The following DTNBP1 variants were observed in gnomAD, a reference collection of about 807,000 sequenced individuals.
The protein encoded by DTNBP1 is dysbindin.
Under a neutral mutation model 42.8 loss-of-function variants are expected in DTNBP1, and 35 were observed. The observed-to-expected ratio is 0.82, with a 90% confidence interval of 0.63 to 1.09. The LOEUF (loss-of-function observed/expected upper bound fraction) is 1.09. Among genes scored for constraint, DTNBP1 ranks in the 50% least tolerant of loss-of-function variants. DTNBP1 has a pLI of 0.00. For missense variants in DTNBP1, 457 were observed against 424.2 expected, an observed-to-expected ratio of 1.08 and a Z score of -0.68; for synonymous variants, 171 against 162.2, an observed-to-expected ratio of 1.05 and a Z score of -0.41.
intron 6 of DTNBP1, among the ~76,000 whole-genome samples, chr6:15,612,266 G>T (rs546921807): frequency 1.8e-4 from 27 of 152,036 alleles, no homozygotes; most frequent in Non-Finnish European, 1.2e-4. Flanking sequence ...TTTAATTAAG[G>T]TATGTACATT....
chr6:15,598,269 G>C (rs944096340), intron 6 of DTNBP1, among the ~76,000 whole-genome samples: 5 of 152,144 alleles, frequency 3.3e-5, no homozygotes, highest in Non-Finnish European at 7.4e-5. Context: ...TCAGACTGAA[G>C]ATGAAAACTT....
chr6:15,556,341 C>T (rs954122190), intron 7 of DTNBP1, among the ~76,000 whole-genome samples: 2 of 151,954 alleles, frequency 1.3e-5, no homozygotes, highest in African/African-American at 4.8e-5. Flanking sequence ...GCCACCAAGC[C>T]CAGCTAATTT....
intron 6 of DTNBP1, among the ~76,000 whole-genome samples, chr6:15,610,876 A>G (rs998607025): frequency 2.6e-5 from 4 of 152,250 alleles, no homozygotes; most frequent in Non-Finnish European, 5.9e-5. Flanking sequence ...TAAAGTAAGG[A>G]GTCATCTCCA....
chr6:15,608,907 C>T (rs1758229125), intron 6 of DTNBP1, among the ~76,000 whole-genome samples: 1 of 152,176 alleles, frequency 6.6e-6, no homozygotes, highest in African/African-American at 2.4e-5. Flanking sequence ...AGATCTTTCT[C>T]CACTCATTTT....
intron 4 of DTNBP1, among the ~76,000 whole-genome samples, chr6:15,634,771 T>G (rs866969233): frequency 7.2e-5 from 11 of 152,214 alleles, no homozygotes; most frequent in Admixed American, 1.3e-4. Flanking sequence ...CCATCTTACA[T>G]GCTTTGTTAT....
At chr6:15,607,494 G>T (rs949864660) in intron 6 of DTNBP1, among the ~76,000 whole-genome samples, 12 of 151,960 alleles carry the variant, frequency 7.9e-5, no homozygotes, top group Non-Finnish European at 1.5e-4. Context: ...TAGAGATGGG[G>T]TTTCACCATG....
At chr6:15,594,604 G>A (rs980441447) in intron 6 of DTNBP1, among the ~76,000 whole-genome samples, 7 of 151,978 alleles carry the variant, frequency 4.6e-5, no homozygotes, top group African/African-American at 9.7e-5. Context: ...TTTATACCCC[G>A]ATAATAAAAA....
intron 1 of DTNBP1, among the ~76,000 whole-genome samples, chr6:15,662,460 C>G (rs1761701909): frequency 6.6e-6 from 1 of 152,174 alleles, no homozygotes; most frequent in Non-Finnish European, 1.5e-5. Flanking sequence ...GCCGCGGGGG[C>G]GGAAGCGGTG....
chr6:15,654,004 T>C (rs1247047564), intron 1 of DTNBP1, among the ~76,000 whole-genome samples: 1 of 152,216 alleles, frequency 6.6e-6, no homozygotes, highest in Non-Finnish European at 1.5e-5. Flanking sequence ...TTAAGCACCA[T>C]ATGGGGACTT....
In DTNBP1 at chr6:15,663,018, G is replaced by C. The variant is rs1415951812; in HGVS notation, c.-149C>G. 9 of 1,143,636 alleles carry C rather than the reference G, an allele frequency of 7.9e-6. No homozygotes were observed. Among genetic ancestry groups the C allele is most frequent in the Admixed American group, 4.4e-5 (2 of 45,204 alleles). The allele number at this position is 1,143,636 out of a possible 1,614,324, so 70.8% of individuals were successfully genotyped here. A position where few individuals can be genotyped will look rare whatever the true frequency, so the allele number is the denominator to read the frequency against. On this transcript the variant is annotated 5_prime_UTR_variant, in exon 1 of 10. Transcript: ENST00000344537. The stretch of plus-strand genomic sequence containing the variant: ...CCCCCGGTCTGGTCCTCGCCGCCGC[G>C]CCGCAACCCCAGCCCCTTCCGCGTT...
intron 6 of DTNBP1, among the ~76,000 whole-genome samples, chr6:15,613,867 T>C (rs2113697711): frequency 6.6e-6 from 1 of 152,250 alleles, no homozygotes; most frequent in East Asian, 1.9e-4. Flanking sequence ...CCTGGCAGTC[T>C]CTCAAACTAT....
At chr6:15,553,135 G>A (rs1412060310) in intron 7 of DTNBP1, among the ~76,000 whole-genome samples, 1 of 152,118 alleles carries the variant, frequency 6.6e-6, no homozygotes, top group Non-Finnish European at 1.5e-5. Context: ...ACAAGTTGAT[G>A]AAATGATTTG....
At chr6:15,627,587 GATTA>G in intron 4 of DTNBP1, 112 bp from the exon 5 acceptor site, 2 of 1,443,134 alleles carry the variant, frequency 1.4e-6, no homozygotes, top group Non-Finnish European at 1.9e-6. Flanking sequence ...ACTCAGTAGA[GATTA>G]CGGTACATTC....
At chr6:15,643,006 G>A (rs1018209279) in intron 3 of DTNBP1, among the ~76,000 whole-genome samples, 2 of 152,050 alleles carry the variant, frequency 1.3e-5, no homozygotes, top group East Asian at 1.9e-4. Context: ...TAAAAAATAC[G>A]TATTGCAACT....
At chr6:15,534,460 T>C (rs1773088717) in intron 7 of DTNBP1, among the ~76,000 whole-genome samples, 1 of 152,128 alleles carries the variant, frequency 6.6e-6, no homozygotes. Flanking sequence ...GAGACCAGCC[T>C]GGCCAATATG....
intron 1 of DTNBP1, among the ~76,000 whole-genome samples, chr6:15,659,073 C>T (rs1219129359): frequency 6.6e-6 from 1 of 152,156 alleles, no homozygotes; most frequent in African/African-American, 2.4e-5. Context: ...CTCTACACTG[C>T]CCTTAAAGAA....
intron 1 of DTNBP1, among the ~76,000 whole-genome samples, chr6:15,660,090 A>G (rs1006922531): frequency 2.0e-5 from 3 of 152,232 alleles, no homozygotes; most frequent in Non-Finnish European, 2.9e-5. Flanking sequence ...TCTAAGCACA[A>G]AACAAATCTG....
At chr6:15,561,478 G>A (rs946231854) in intron 7 of DTNBP1, among the ~76,000 whole-genome samples, 8 of 152,116 alleles carry the variant, frequency 5.3e-5, no homozygotes, top group Non-Finnish European at 1.2e-4. Flanking sequence ...GTTATGAATG[G>A]CCCTCACCAT....
rs538667933 is a variant in DTNBP1 at position 15,553,723 on chromosome 6, C to T, written c.512-20328G>A. ...TAAGTCGTTTTCATTTTTCTTTTTT[C>T]CTTCCTTTCCTAAGCCTAATTCCTT... On this transcript the variant is annotated intron_variant, in intron 7 of 9. Transcript: ENST00000344537. 8.1e-5 allele frequency among the ~76,000 whole-genome samples: 12 copies of T among 148,724 alleles called. No homozygotes were observed. In the East Asian group the frequency reaches 1.9e-3, roughly 23 times the overall value.
Sources: gnomAD v4.1 joint callset for allele counts (sites outside exome capture counted in the v4.1 genomes callset) on GRCh38, gnomAD v4.1.1 for gene constraint, MANE v1.5 for transcripts, NCBI Gene and HGNC (gene_info 2026-07-23, HGNC 2026-07-21) for gene names.